MAP3K5: variants seen among roughly 807,000 people sequenced by gnomAD.
MAP3K5 encodes mitogen-activated protein kinase kinase kinase 5, also known as ASK-1.
MAP3K5 carries 56 observed loss-of-function variants against 158.7 expected under a neutral mutation model. The ratio of observed to expected loss-of-function variants is 0.35; its 90% CI spans 0.28 to 0.44. The LOEUF (loss-of-function observed/expected upper bound fraction) is 0.44, where lower values mean the gene tolerates loss of function less well. Ranked by LOEUF, MAP3K5 falls within the 20% of genes least tolerant of loss-of-function variation. The pLI is 1.00. For missense variants in MAP3K5, 1,294 were observed against 1,674.8 expected, an observed-to-expected ratio of 0.77 and a Z score of 3.97; for synonymous variants, 579 against 601.7, an observed-to-expected ratio of 0.96 and a Z score of 0.55.
At chr6:136,580,226 T>C in intron 25 of MAP3K5, 75 bp downstream of exon 25, 1 of 990,224 alleles carries the variant, frequency 1.0e-6, no homozygotes, top group Non-Finnish European at 1.6e-6. Flanking sequence ...TAAGGTGATA[T>C]CAGAAATAAC....
chr6:136,645,923 T>C (rs575707434), intron 11 of MAP3K5, among the ~76,000 whole-genome samples: 30 of 152,322 alleles, frequency 2.0e-4, no homozygotes, highest in Admixed American at 4.6e-4. Context: ...CATTCTGTGA[T>C]AAAAACAACC....
chr6:136,649,723 T>G (rs1778433843), intron 11 of MAP3K5, among the ~76,000 whole-genome samples: 2 of 152,180 alleles, frequency 1.3e-5, no homozygotes, highest in African/African-American at 4.8e-5. Flanking sequence ...CTGCAGTGAT[T>G]TATAATTGTT....
intron 10 of MAP3K5, among the ~76,000 whole-genome samples, chr6:136,653,615 G>A (rs1173395114): frequency 6.6e-6 from 1 of 152,106 alleles, no homozygotes; most frequent in African/African-American, 2.4e-5. Context: ...CCAAATATTT[G>A]TCCTGTTTTT....
At chr6:136,570,304 C>T (rs1434259181) in intron 25 of MAP3K5, among the ~76,000 whole-genome samples, 2 of 152,212 alleles carry the variant, frequency 1.3e-5, no homozygotes, top group South Asian at 4.1e-4. Flanking sequence ...TGCTATTTCT[C>T]TTCTTCAGAG....
At chr6:136,641,724 C>G (rs1036667545) in intron 12 of MAP3K5, among the ~76,000 whole-genome samples, 1 of 151,306 alleles carries the variant, frequency 6.6e-6, no homozygotes, top group African/African-American at 2.4e-5. Flanking sequence ...CGGAGTGGCT[C>G]ACACCTGTAA....
Position 136,694,267 on chromosome 6 carries a change from T to C in MAP3K5, c.1126A>G (p.Ile376Val). 1.2e-6 allele frequency: 2 copies of C among 1,613,224 alleles called. No individual in the cohort carries two copies. The highest frequency in any genetic ancestry group is 2.2e-5 in the South Asian group (2 of 91,068). Residue 376 changes from isoleucine (I) to valine (V), a missense_variant, in exon 7 of 30, where the codon ATT (isoleucine) becomes GTT (valine). This residue lies in a region of MAP3K5 where 690 missense variants were observed against 870.5 expected (regional missense o/e 0.79). Coordinates refer to ENST00000359015, the MANE Select transcript of MAP3K5 (RefSeq NM_005923.4). Reference protein sequence around the residue: ...GDRAKALDIMIPMVQSEGQVA... With the variant: ...GDRAKALDIMVPMVQSEGQVA... ...TGTCCTTCGCTTTGCACCATGGGAA[T>C]CATAATATCAAGAGCTTTTGCTCTG... is the stretch of plus-strand genomic sequence containing the variant.
At chr6:136,775,486 C>T (rs1784368985) in intron 1 of MAP3K5, among the ~76,000 whole-genome samples, 1 of 152,186 alleles carries the variant, frequency 6.6e-6, no homozygotes, top group South Asian at 2.1e-4. Context: ...CTGTCATAGC[C>T]TTTTTCTTCT....
chr6:136,783,941 T>C (rs1784730967), intron 1 of MAP3K5, among the ~76,000 whole-genome samples: 1 of 152,140 alleles, frequency 6.6e-6, no homozygotes, highest in African/African-American at 2.4e-5. Flanking sequence ...TGTGAACCAA[T>C]TTTATCCTGC....
intron 1 of MAP3K5, among the ~76,000 whole-genome samples, chr6:136,775,012 C>G (rs1784351538): frequency 6.6e-6 from 1 of 152,050 alleles, no homozygotes; most frequent in South Asian, 2.1e-4. Context: ...CCCAAAGAAT[C>G]AAGCATGATT....
intron 3 of MAP3K5, among the ~76,000 whole-genome samples, chr6:136,704,730 G>C (rs975829109): frequency 6.6e-6 from 1 of 152,088 alleles, no homozygotes; most frequent in Non-Finnish European, 1.5e-5. Flanking sequence ...ATTTTTAGTA[G>C]AGATGGGGTT....
intron 8 of MAP3K5, among the ~76,000 whole-genome samples, chr6:136,664,681 A>C (rs1339848043): frequency 6.6e-6 from 1 of 152,174 alleles, no homozygotes; most frequent in Non-Finnish European, 1.5e-5. Flanking sequence ...ACTCGGCCGG[A>C]TGTGGTGGCT....
chr6:136,689,607 C>T (rs1780302414), intron 7 of MAP3K5, among the ~76,000 whole-genome samples: 1 of 152,212 alleles, frequency 6.6e-6, no homozygotes, highest in South Asian at 2.1e-4. Flanking sequence ...AGGATTAATG[C>T]TGTTACATCA....
intron 24 of MAP3K5, among the ~76,000 whole-genome samples, chr6:136,582,411 GC>G (rs1421469543): frequency 6.6e-6 from 1 of 152,172 alleles, no homozygotes; most frequent in Non-Finnish European, 1.5e-5. Context: ...AAATGTGTGG[GC>G]AAGTGCAAAT....
At chr6:136,589,692 A>G (rs992132160) in intron 23 of MAP3K5, among the ~76,000 whole-genome samples, 1 of 152,156 alleles carries the variant, frequency 6.6e-6, no homozygotes, top group African/African-American at 2.4e-5. Flanking sequence ...TGGTGTCCGT[A>G]TCAGAAGAGG....
intron 3 of MAP3K5, among the ~76,000 whole-genome samples, chr6:136,700,446 C>T (rs1282265116): frequency 6.6e-6 from 1 of 152,154 alleles, no homozygotes; most frequent in African/African-American, 2.4e-5. Flanking sequence ...GGGCGACTAC[C>T]TATACAGAGT....
In MAP3K5 at chr6:136,659,426, G is replaced by A. The variant is rs750007088; in HGVS notation, c.1367-48C>T. ...AATGTTACAAATGCACCCCACACAGGTAGAACCAGGTTTTCACTAAAAAGT... is the reference window on the plus strand; with the variant it reads ...AATGTTACAAATGCACCCCACACAGATAGAACCAGGTTTTCACTAAAAAGT... On this transcript the variant is annotated intron_variant, in intron 8 of 29. Transcript: ENST00000359015. The A allele has an allele frequency of 1.1e-5, 17 of 1,539,376 alleles. No individual in the cohort carries two copies. In the South Asian group the frequency reaches 1.6e-4, roughly 15 times the overall value.
chr6:136,611,623 T>G (rs1318353998), intron 17 of MAP3K5, among the ~76,000 whole-genome samples: 10 of 152,250 alleles, frequency 6.6e-5, no homozygotes, highest in Admixed American at 5.2e-4. Flanking sequence ...GTGAGAAAAT[T>G]ATGACAGTAA....
intron 1 of MAP3K5, among the ~76,000 whole-genome samples, chr6:136,760,098 C>T (rs1783682241): frequency 6.6e-6 from 1 of 152,204 alleles, no homozygotes; most frequent in African/African-American, 2.4e-5. Flanking sequence ...GCACATTGCA[C>T]TATTCAATTT....
At chr6:136,715,737 A>G (rs780911457) in intron 2 of MAP3K5, among the ~76,000 whole-genome samples, 31 of 152,148 alleles carry the variant, frequency 2.0e-4, no homozygotes, top group Non-Finnish European at 4.0e-4. Flanking sequence ...ATTCCATTAA[A>G]TGATTATAGC....
Sources: allele counts gnomAD v4.1 joint callset (sites outside exome capture counted in the v4.1 genomes callset), GRCh38; gene constraint gnomAD v4.1.1; regional missense constraint gnomAD v4.1.1; transcripts MANE v1.5; gene names NCBI Gene and HGNC (gene_info 2026-07-23, HGNC 2026-07-21).